PABPC4L: variants seen among roughly 807,000 people sequenced by gnomAD.
PABPC4L encodes polyadenylate-binding protein 4-like.
For missense variants in PABPC4L, 452 were observed against 451.4 expected (o/e 1.00, Z -0.01); for synonymous variants, 169 against 164.1 (o/e 1.03, Z -0.23).
At chr4:134,112,142 T>G in the PABPC4L span, among the ~76,000 whole-genome samples, 1 of 151,926 alleles carries the variant, frequency 6.6e-6, no homozygotes, top group Admixed American at 6.6e-5. Flanking sequence ...TAAAATAGTT[T>G]AACAACAGGT....
the PABPC4L span, among the ~76,000 whole-genome samples, chr4:134,106,252 T>G: frequency 9.2e-5 from 14 of 151,794 alleles, 1 homozygote; most frequent in African/African-American, 2.4e-4. Context: ...CCCAATTGCC[T>G]GATAATTGAA....
chr4:134,104,601 C>A, the PABPC4L span, among the ~76,000 whole-genome samples: 1 of 151,650 alleles, frequency 6.6e-6, no homozygotes, highest in African/African-American at 2.4e-5. Flanking sequence ...AGGTACCTGC[C>A]TAGTTATATT....
At chr4:133,956,692 T>A in the PABPC4L span, among the ~76,000 whole-genome samples, 1 of 152,116 alleles carries the variant, frequency 6.6e-6, no homozygotes, top group African/African-American at 2.4e-5. Flanking sequence ...CAAGACTGAG[T>A]AATTTACAAA....
At position 134,197,346 on chromosome 4, in the gene PABPC4L, A is replaced by G. The variant is rs1729693173; in HGVS notation, c.*2561T>C. The stretch of plus-strand genomic sequence containing the variant: ...ATGAACCAAAATTTTAGTTAGAAGC[A>G]TTGAGAATATGAAAATCTGAAAGTC... On this transcript the variant is annotated 3_prime_UTR_variant, in exon 2 of 2. Coordinates refer to ENST00000421491, the MANE Select transcript of PABPC4L (RefSeq NM_001114734.2). 6.6e-6 allele frequency: 1 copy of G among 151,758 alleles called. No homozygotes were observed. The highest frequency in any genetic ancestry group is 1.5e-5 in the Non-Finnish European group (1 of 67,680). The allele number at this position is 151,758 out of a possible 1,614,324, so 9.4% of individuals were successfully genotyped here.
chr4:134,126,131 G>GGA, the PABPC4L span, among the ~76,000 whole-genome samples: 7 of 151,884 alleles, frequency 4.6e-5, no homozygotes, highest in South Asian at 1.5e-3. Context: ...GGAGAGTGTG[G>GGA]GAGAGAGAGA....
At chr4:133,993,943 A>C in the PABPC4L span, among the ~76,000 whole-genome samples, 1 of 152,050 alleles carries the variant, frequency 6.6e-6, no homozygotes, top group African/African-American at 2.4e-5. Context: ...GTTCTGTAAT[A>C]AATAAACAGA....
At chr4:134,026,179 T>C in the PABPC4L span, among the ~76,000 whole-genome samples, 1 of 152,044 alleles carries the variant, frequency 6.6e-6, no homozygotes, top group East Asian at 1.9e-4. Flanking sequence ...AAAGGGTGAG[T>C]GAGTGAAGTT....
the PABPC4L span, among the ~76,000 whole-genome samples, chr4:133,984,811 T>C: frequency 1.3e-5 from 2 of 151,744 alleles, no homozygotes; most frequent in Admixed American, 6.6e-5. Flanking sequence ...TAGAGACACT[T>C]GTTGTAAGTT....
chr4:134,170,923 A>G, the PABPC4L span, among the ~76,000 whole-genome samples: 4 of 152,250 alleles, frequency 2.6e-5, no homozygotes, highest in East Asian at 5.8e-4. Flanking sequence ...GCTTTCCCCA[A>G]TTGCTGAAAT....
At chr4:134,109,233 T>C in the PABPC4L span, among the ~76,000 whole-genome samples, 7 of 152,140 alleles carry the variant, frequency 4.6e-5, no homozygotes, top group East Asian at 9.7e-4. Context: ...ATATGCAGAA[T>C]GTACATCTTT....
Position 134,197,213 on chromosome 4 carries a change from C to T in PABPC4L, c.*2694G>A, listed in dbSNP as rs559518872. 4.9e-4 allele frequency: 75 copies of T among 151,742 alleles called. 1 individual carries two copies. Among genetic ancestry groups the T allele is most frequent in the African/African-American group, 1.6e-3 (67 of 41,514 alleles). The allele number at this position is 151,742 out of a possible 1,614,324, so 9.4% of individuals were successfully genotyped here. ...TCTATGTGAAACTCATATGCCAACT[C>T]TAATTCATTGGCTCTCTGAATCAAG... On this transcript the variant is annotated 3_prime_UTR_variant, in exon 2 of 2. Coordinates refer to ENST00000421491, the MANE Select transcript of PABPC4L (RefSeq NM_001114734.2).
the PABPC4L span, among the ~76,000 whole-genome samples, chr4:134,137,200 A>G: frequency 5.9e-5 from 9 of 151,998 alleles, no homozygotes; most frequent in African/African-American, 1.4e-4. Flanking sequence ...ATACAGACAT[A>G]TTTGCATAAG....
chr4:134,141,152 C>T, the PABPC4L span, among the ~76,000 whole-genome samples: 2,119 of 151,658 alleles, frequency 0.014, 44 homozygotes, highest in African/African-American at 0.048. Flanking sequence ...GAATGATATG[C>T]TTTTCCTGAA....
chr4:134,018,258 G>A, the PABPC4L span, among the ~76,000 whole-genome samples: 1 of 151,806 alleles, frequency 6.6e-6, no homozygotes, highest in East Asian at 1.9e-4. Context: ...CTTGTAAAAC[G>A]GTCCCACCCC....
At chr4:133,970,024 G>T in the PABPC4L span, among the ~76,000 whole-genome samples, 2 of 146,092 alleles carry the variant, frequency 1.4e-5, no homozygotes, top group Admixed American at 6.9e-5. Flanking sequence ...TTAAATCAAA[G>T]AAATATATAT....
chr4:134,199,740 AC>A lies in PABPC4L; in HGVS notation c.*166del. The A allele has an allele frequency of 1.2e-6, 1 of 843,366 alleles. No homozygotes were observed. The highest frequency in any genetic ancestry group is 1.7e-6 in the Non-Finnish European group (1 of 575,338). The allele number at this position is 843,366 out of a possible 1,614,324, so 52.2% of individuals were successfully genotyped here. ...TGAACTAAGCTCCATCTATTTTTCC[AC>A]AAAAGAAAAAAAATGGCTTTGTATA... On this transcript the variant is annotated 3_prime_UTR_variant, in exon 2 of 2. Transcript: ENST00000421491.
chr4:134,163,037 A>G, the PABPC4L span, among the ~76,000 whole-genome samples: 1 of 152,128 alleles, frequency 6.6e-6, no homozygotes, highest in South Asian at 2.1e-4. Flanking sequence ...TGAAACTGAA[A>G]CAAAAAATTA....
At chr4:134,123,748 A>C in the PABPC4L span, among the ~76,000 whole-genome samples, 1 of 152,024 alleles carries the variant, frequency 6.6e-6, no homozygotes, top group Non-Finnish European at 1.5e-5. Context: ...TTTAATTTTT[A>C]AAAAATGCCT....
the PABPC4L span, among the ~76,000 whole-genome samples, chr4:133,973,676 C>T: frequency 1.3e-5 from 2 of 152,108 alleles, no homozygotes; most frequent in African/African-American, 4.8e-5. Flanking sequence ...ATTTGACCAC[C>T]TGGAAACTTT....
Sources: gnomAD v4.1 joint callset for allele counts (sites outside exome capture counted in the v4.1 genomes callset) on GRCh38, gnomAD v4.1.1 for gene constraint, MANE v1.5 for transcripts, NCBI Gene and HGNC (gene_info 2026-07-23, HGNC 2026-07-21) for gene names.